SAMD5: variants seen among roughly 807,000 people sequenced by gnomAD.
SAMD5 encodes the protein sterile alpha motif domain-containing protein 5.
Under a neutral mutation model 11.3 loss-of-function variants are expected in SAMD5, and 13 were observed. That is an observed-to-expected ratio of 1.15 (90% confidence interval 0.75 to 1.83). The LOEUF (loss-of-function observed/expected upper bound fraction) is 1.83, where lower values mean the gene tolerates loss of function less well. Among genes scored for constraint, SAMD5 ranks in the 40% most tolerant of loss-of-function variants. The probability of loss-of-function intolerance (pLI) is 0.00; values close to 1 mark genes in which losing one functional copy is unlikely to be tolerated. For missense variants in SAMD5, 255 were observed against 239.1 expected (o/e 1.07, Z -0.44); for synonymous variants, 129 against 111.3 (o/e 1.16, Z -1.00).
intron 1 of SAMD5, among the ~76,000 whole-genome samples, chr6:147,519,158 G>A (rs117202904): frequency 5.9e-5 from 9 of 152,236 alleles, no homozygotes; most frequent in Non-Finnish European, 8.8e-5. Context: ...TCTTTATTTA[G>A]CAAAGTTGTA....
chr6:147,576,142 CT>C (rs34576408), intron 1 of SAMD5, among the ~76,000 whole-genome samples: 6,545 of 141,368 alleles, frequency 0.046, 191 homozygotes, highest in Admixed American at 0.1. Flanking sequence ...ATATTTTAAA[CT>C]TTTTTTTTTT....
chr6:147,725,730 G>A (rs1791617005), intron 1 of SAMD5, among the ~76,000 whole-genome samples: 1 of 152,070 alleles, frequency 6.6e-6, no homozygotes, highest in South Asian at 2.1e-4. Flanking sequence ...ATATTGAAGT[G>A]GCTGTTGTCT....
At chr6:147,865,380 T>C in the SAMD5 span, among the ~76,000 whole-genome samples, 1 of 145,164 alleles carries the variant, frequency 6.9e-6, no homozygotes, top group Non-Finnish European at 1.5e-5. Flanking sequence ...GGGAGAGAGA[T>C]AGAGAGGGCA....
intron 1 of SAMD5, among the ~76,000 whole-genome samples, chr6:147,592,384 C>T (rs1011304): frequency 1.4e-3 from 208 of 152,002 alleles, no homozygotes; most frequent in African/African-American, 4.7e-3. Flanking sequence ...AAGAGGTGGG[C>T]GTGGGCTGCC....
At chr6:147,629,168 G>A (rs576146717) in intron 1 of SAMD5, among the ~76,000 whole-genome samples, 16 of 152,148 alleles carry the variant, frequency 1.1e-4, no homozygotes, top group African/African-American at 3.6e-4. Context: ...ACATCAGCTA[G>A]GCATAGTGGT....
At chr6:147,946,167 C>T in the SAMD5 span, among the ~76,000 whole-genome samples, 1 of 152,118 alleles carries the variant, frequency 6.6e-6, no homozygotes, top group African/African-American at 2.4e-5. Flanking sequence ...GAGTATGTTC[C>T]AAGTTTTCTC....
chr6:147,712,822 A>AAG (rs58115947), intron 1 of SAMD5, among the ~76,000 whole-genome samples: 4 of 151,516 alleles, frequency 2.6e-5, no homozygotes, highest in African/African-American at 7.3e-5. Context: ...AAAAAAAAAA[A>AAG]GTCTGTTGTT....
chr6:147,544,694 C>T (rs7758917), intron 1 of SAMD5, among the ~76,000 whole-genome samples: 451 of 152,184 alleles, frequency 3.0e-3, no homozygotes, highest in African/African-American at 0.01. Flanking sequence ...TGCTTTATAT[C>T]CTTTTGTTGA....
At chr6:147,800,506 T>C in the SAMD5 span, among the ~76,000 whole-genome samples, 27 of 152,196 alleles carry the variant, frequency 1.8e-4, no homozygotes, top group African/African-American at 6.5e-4. Flanking sequence ...TCTGCAGAGG[T>C]TACTGCTGTC....
intron 1 of SAMD5, among the ~76,000 whole-genome samples, chr6:147,666,157 G>A (rs954841562): frequency 1.3e-5 from 2 of 152,076 alleles, no homozygotes. Flanking sequence ...CAGGCTGGTC[G>A]CCAACTCCTG....
chr6:147,515,564 C>G (rs780484354), intron 1 of SAMD5, among the ~76,000 whole-genome samples: 2 of 152,010 alleles, frequency 1.3e-5, no homozygotes, highest in Non-Finnish European at 2.9e-5. Context: ...ATCCATCTCT[C>G]CATTCATCTA....
At chr6:147,509,470 C>A in intron 1 of SAMD5, 83 bp downstream of exon 1, 3 of 1,291,970 alleles carry the variant, frequency 2.3e-6, no homozygotes, top group South Asian at 1.5e-5. Flanking sequence ...CTTTGCAACC[C>A]ATTCCAGGTG....
intron 1 of SAMD5, among the ~76,000 whole-genome samples, chr6:147,642,394 A>G: frequency 6.6e-6 from 1 of 152,194 alleles, no homozygotes; most frequent in East Asian, 1.9e-4. Flanking sequence ...CATCTGTAAA[A>G]TGAGAGAGTT....
intron 1 of SAMD5, among the ~76,000 whole-genome samples, chr6:147,659,784 A>G (rs1275404831): frequency 6.6e-6 from 1 of 152,116 alleles, no homozygotes; most frequent in Admixed American, 6.6e-5. Context: ...TGTATTTTCC[A>G]TTCCACCCCT....
At chr6:147,853,593 T>G in the SAMD5 span, among the ~76,000 whole-genome samples, 1 of 151,456 alleles carries the variant, frequency 6.6e-6, no homozygotes, top group Non-Finnish European at 1.5e-5. Flanking sequence ...TACTTTCTTT[T>G]TCTTTAGGTA....
chr6:147,921,050 A>C, the SAMD5 span, among the ~76,000 whole-genome samples: 1 of 152,106 alleles, frequency 6.6e-6, no homozygotes, highest in Admixed American at 6.5e-5. Context: ...TCTTTAATTC[A>C]TTCCTTAATC....
the SAMD5 span, among the ~76,000 whole-genome samples, chr6:147,836,392 G>A: frequency 5.2e-4 from 79 of 152,082 alleles, no homozygotes; most frequent in Non-Finnish European, 8.1e-4. Flanking sequence ...CTTGACTTGC[G>A]AAGGAGTTAT....
chr6:147,656,938 A>G (rs1790579980), intron 1 of SAMD5, among the ~76,000 whole-genome samples: 1 of 123,868 alleles, frequency 8.1e-6, no homozygotes, highest in African/African-American at 2.7e-5. Flanking sequence ...GTGTGTATCC[A>G]TAAGGTATTC....
At chr6:147,873,236 G>A in the SAMD5 span, among the ~76,000 whole-genome samples, 1 of 152,020 alleles carries the variant, frequency 6.6e-6, no homozygotes, top group African/African-American at 2.4e-5. Context: ...AATTAGCTGG[G>A]CGTGGTGGTG....
Sources: gnomAD v4.1 joint callset for allele counts (sites outside exome capture counted in the v4.1 genomes callset) on GRCh38, gnomAD v4.1.1 for gene constraint, MANE v1.5 for transcripts, NCBI Gene and HGNC (gene_info 2026-07-23, HGNC 2026-07-21) for gene names.